MRAP2: variants seen among roughly 807,000 people sequenced by gnomAD.
MRAP2 encodes melanocortin 2 receptor accessory protein 2.
A neutral mutation model predicts 17.4 loss-of-function variants in MRAP2; 20 were observed. The ratio of observed to expected loss-of-function variants is 1.15; its 90% CI spans 0.81 to 1.67. The LOEUF is 1.67. Among genes scored for constraint, MRAP2 ranks in the 40% most tolerant of loss-of-function variants. MRAP2 has a pLI of 0.00. For missense variants in MRAP2, 238 were observed against 240.0 expected (o/e 0.99, Z 0.05); for synonymous variants, 96 against 88.4 (o/e 1.09, Z -0.48).
rs768643892 is a variant in MRAP2 at position 84,089,117 on chromosome 6, T to C, written c.254T>C (p.Phe85Ser). The C allele has an allele frequency of 6.2e-7, 1 of 1,613,630 alleles. No individual in the cohort carries two copies. The highest frequency in any genetic ancestry group is 8.5e-7 in the Non-Finnish European group (1 of 1,179,860). The change falls in exon 4 of 4, where the codon TTC becomes TCC. Residue 85 changes from phenylalanine (F) to serine (S), a missense_variant. Phe to Ser is a radical substitution (Grantham distance 155). Coordinates refer to ENST00000257776, the MANE Select transcript of MRAP2 (RefSeq NM_138409.4). ...QDNAESSEKR[F>S]RMNSFVSDFG... ...AATGCAGAGTCCTCAGAGAAGAGAT[T>C]CAGAATGAACAGCTTTGTGTCAGAC... is the stretch of plus-strand genomic sequence containing the variant.
the MRAP2 span, among the ~76,000 whole-genome samples, chr6:84,120,553 A>G: frequency 6.6e-6 from 1 of 152,190 alleles, no homozygotes; most frequent in Non-Finnish European, 1.5e-5. Context: ...TAGCTTTTAG[A>G]GTACTTATGG....
intron 2 of MRAP2, among the ~76,000 whole-genome samples, chr6:84,061,497 G>A (rs2099493157): frequency 6.6e-6 from 1 of 152,196 alleles, no homozygotes; most frequent in African/African-American, 2.4e-5. Flanking sequence ...CCTGTTTAGG[G>A]AATTACAGAC....
chr6:84,146,206 T>C, the MRAP2 span, among the ~76,000 whole-genome samples: 2 of 152,134 alleles, frequency 1.3e-5, no homozygotes, highest in Non-Finnish European at 2.9e-5. Flanking sequence ...TAAGCCACCA[T>C]TTTGAGTTAC....
rs143107236 is a variant in MRAP2 at position 84,067,427 on chromosome 6, C to T, written c.227+4435C>T. Among the ~76,000 whole-genome samples, 903 of 152,250 alleles carry T rather than the reference C, an allele frequency of 5.9e-3. 4 individuals are homozygous for T. The highest frequency in any genetic ancestry group is 0.021 in the African/African-American group (871 of 41,544). ...TGGGATTGCTGGATCAAATGGTAGA[C>T]CTACTTTTAGTTCTTTAAGAAATCT... is the stretch of plus-strand genomic sequence containing the variant. On this transcript the variant is annotated intron_variant, in intron 3 of 3. Transcript: ENST00000257776.
At chr6:84,063,124 C>G (rs2129167661) in intron 3 of MRAP2, 132 bp downstream of exon 3, 2 of 1,487,778 alleles carry the variant, frequency 1.3e-6, no homozygotes, top group Non-Finnish European at 9.0e-7. Context: ...CTGTCTGGAC[C>G]CAGATGCCCG....
At chr6:84,108,981 T>G in the MRAP2 span, among the ~76,000 whole-genome samples, 2 of 152,194 alleles carry the variant, frequency 1.3e-5, no homozygotes, top group Non-Finnish European at 2.9e-5. Flanking sequence ...CAGATGGTTG[T>G]AGATGTGTGG....
the MRAP2 span, among the ~76,000 whole-genome samples, chr6:84,131,154 G>A: frequency 2.6e-5 from 4 of 152,150 alleles, no homozygotes; most frequent in Non-Finnish European, 5.9e-5. Context: ...TTTCCATGTA[G>A]TTGTGCAGTT....
chr6:84,123,115 G>A, the MRAP2 span, among the ~76,000 whole-genome samples: 1 of 151,986 alleles, frequency 6.6e-6, no homozygotes, highest in Non-Finnish European at 1.5e-5. Context: ...CTTATGAACT[G>A]AATAACCAAT....
intron 3 of MRAP2, among the ~76,000 whole-genome samples, chr6:84,066,042 G>T (rs1040929752): frequency 2.7e-5 from 4 of 147,156 alleles, no homozygotes; most frequent in African/African-American, 1.1e-4. Flanking sequence ...CACACACATT[G>T]TGTTGGTTCT....
the MRAP2 span, among the ~76,000 whole-genome samples, chr6:84,109,245 C>G: frequency 6.6e-6 from 1 of 152,180 alleles, no homozygotes; most frequent in Non-Finnish European, 1.5e-5. Flanking sequence ...AGCACTGAAT[C>G]TATACATTGC....
chr6:84,144,493 T>C, the MRAP2 span, among the ~76,000 whole-genome samples: 1 of 152,108 alleles, frequency 6.6e-6, no homozygotes, highest in East Asian at 1.9e-4. Context: ...CACAGATAGT[T>C]AATTGTTTTA....
chr6:84,075,694 C>G (rs2129172067), intron 3 of MRAP2, among the ~76,000 whole-genome samples: 1 of 152,294 alleles, frequency 6.6e-6, no homozygotes, highest in South Asian at 2.1e-4. Context: ...TTACGTGCCT[C>G]ACATACCCTC....
At chr6:84,117,614 C>A in the MRAP2 span, among the ~76,000 whole-genome samples, 1 of 150,484 alleles carries the variant, frequency 6.6e-6, no homozygotes, top group Admixed American at 6.6e-5. Context: ...TGTCTTCAGT[C>A]TTTGAGGTTG....
At chr6:84,060,852 ATTTTT>A (rs771171189) in intron 2 of MRAP2, among the ~76,000 whole-genome samples, 1 of 119,548 alleles carries the variant, frequency 8.4e-6, no homozygotes, top group African/African-American at 3.8e-5. Context: ...CACCCGGCTA[ATTTTT>A]TTTTTTTTTT....
intron 1 of MRAP2, among the ~76,000 whole-genome samples, chr6:84,036,654 A>G (rs541230015): frequency 4.6e-5 from 7 of 152,248 alleles, no homozygotes; most frequent in Admixed American, 2.0e-4. Flanking sequence ...AAGCTTCCAC[A>G]GTGTGGAAGG....
the MRAP2 span, among the ~76,000 whole-genome samples, chr6:84,129,646 C>A: frequency 6.6e-6 from 1 of 151,496 alleles, no homozygotes; most frequent in South Asian, 2.1e-4. Flanking sequence ...CTGTTCACTC[C>A]GGTTTTTGCT....
chr6:84,063,053 C>T (rs1295590992), intron 3 of MRAP2, 61 bp downstream of exon 3: 10 of 1,609,820 alleles, frequency 6.2e-6, no homozygotes, highest in Non-Finnish European at 3.4e-6. Context: ...GAAATAGAAA[C>T]TACTACCCAG....
chr6:84,084,932 CTTTA>C (rs1279138339), intron 3 of MRAP2, among the ~76,000 whole-genome samples: 2 of 99,438 alleles, frequency 2.0e-5, no homozygotes, highest in Admixed American at 9.3e-5. Context: ...TTTTATTTTA[CTTTA>C]TTTTATTTTA....
intron 2 of MRAP2, among the ~76,000 whole-genome samples, chr6:84,059,497 C>T (rs750770320): frequency 2.6e-5 from 4 of 152,186 alleles, no homozygotes; most frequent in African/African-American, 9.7e-5. Flanking sequence ...GTGGAAAGTT[C>T]ACCATTTATT....
Sources: allele counts gnomAD v4.1 joint callset (sites outside exome capture counted in the v4.1 genomes callset), GRCh38; gene constraint gnomAD v4.1.1; transcripts MANE v1.5; gene names NCBI Gene and HGNC (gene_info 2026-07-23, HGNC 2026-07-21).